ZNF385B: variants seen among roughly 807,000 people sequenced by gnomAD.
ZNF385B encodes the protein zinc finger protein 385B, also known as zinc finger protein 533.
In ZNF385B, 23 loss-of-function variants were observed where a neutral mutation model predicts 39.2. The observed-to-expected ratio is 0.59, with a 90% CI of 0.42 to 0.83. The LOEUF is 0.83. Among genes scored for constraint, ZNF385B ranks in the 40% least tolerant of loss-of-function variants. ZNF385B has a pLI of 0.00. For synonymous variants in ZNF385B, 205 were observed against 222.6 expected (o/e 0.92, Z 0.70); for missense variants, 552 against 598.9 (o/e 0.92, Z 0.82).
chr2:179,576,881 T>G (rs1397077738), intron 3 of ZNF385B, among the ~76,000 whole-genome samples: 3 of 152,144 alleles, frequency 2.0e-5, no homozygotes, highest in Non-Finnish European at 4.4e-5. Flanking sequence ...ATTGATCATC[T>G]TGTTCCAGGA....
intron 3 of ZNF385B, among the ~76,000 whole-genome samples, chr2:179,577,386 C>T (rs533201982): frequency 2.2e-4 from 34 of 152,184 alleles, no homozygotes; most frequent in African/African-American, 4.1e-4. Context: ...ATAAATCTCA[C>T]ACTGAAACAT....
chr2:179,732,757 C>T (rs1410226130), intron 3 of ZNF385B, among the ~76,000 whole-genome samples: 2 of 152,112 alleles, frequency 1.3e-5, no homozygotes, highest in Non-Finnish European at 2.9e-5. Flanking sequence ...GGTAAGATCA[C>T]CCAGTGTTAT....
Position 179,589,825 on chromosome 2 carries a change from C to T in ZNF385B, c.299-44856G>A, listed in dbSNP as rs1053267763. On this transcript the variant is annotated intron_variant, in intron 3 of 9. Transcript: ENST00000410066. The stretch of plus-strand genomic sequence containing the variant: ...TATGGAAAGCTATGTATTGGGCCAA[C>T]TTGAAAAGAGGATGTTATTGTGATG... 3.9e-5 allele frequency among the ~76,000 whole-genome samples: 6 copies of T among 152,182 alleles called. No homozygotes were observed. In the East Asian group the frequency reaches 1.2e-3, roughly 29 times the overall value.
intron 3 of ZNF385B, among the ~76,000 whole-genome samples, chr2:179,577,882 T>C (rs1686021976): frequency 6.6e-6 from 1 of 152,064 alleles, no homozygotes; most frequent in Non-Finnish European, 1.5e-5. Context: ...TATATTTAAC[T>C]CTCATAATGT....
chr2:179,753,991 G>A (rs1413541908), intron 3 of ZNF385B, among the ~76,000 whole-genome samples: 1 of 152,130 alleles, frequency 6.6e-6, no homozygotes, highest in Non-Finnish European at 1.5e-5. Flanking sequence ...TGGTGAGAGA[G>A]GGCATCCCTG....
chr2:179,505,676 C>T (rs1293141313), intron 5 of ZNF385B, among the ~76,000 whole-genome samples: 5 of 152,222 alleles, frequency 3.3e-5, no homozygotes, highest in East Asian at 1.9e-4. Context: ...GTTAGCACTA[C>T]GTACCTCCTG....
intron 6 of ZNF385B, among the ~76,000 whole-genome samples, chr2:179,460,336 G>A (rs2051189595): frequency 6.6e-6 from 1 of 152,236 alleles, no homozygotes; most frequent in South Asian, 2.1e-4. Context: ...TGTAGGCCAA[G>A]CTAACCATGG....
intron 6 of ZNF385B, among the ~76,000 whole-genome samples, chr2:179,447,718 G>A (rs1051747280): frequency 6.6e-6 from 1 of 152,098 alleles, no homozygotes; most frequent in Non-Finnish European, 1.5e-5. Flanking sequence ...AGAGAGAAAG[G>A]GAATTAAATC....
intron 5 of ZNF385B, among the ~76,000 whole-genome samples, chr2:179,517,507 C>G (rs2058174692): frequency 1.3e-5 from 2 of 149,922 alleles, no homozygotes; most frequent in East Asian, 3.9e-4. Flanking sequence ...TGATAAACAT[C>G]TCTTTTCCAA....
chr2:179,657,450 T>C (rs1160878268), intron 3 of ZNF385B, among the ~76,000 whole-genome samples: 2 of 152,194 alleles, frequency 1.3e-5, no homozygotes, highest in Non-Finnish European at 2.9e-5. Flanking sequence ...AAGGCAGAAA[T>C]GAATTCACAA....
intron 4 of ZNF385B, among the ~76,000 whole-genome samples, chr2:179,542,003 CA>C (rs1476981590): frequency 6.6e-6 from 1 of 152,084 alleles, no homozygotes; most frequent in Non-Finnish European, 1.5e-5. Context: ...GACTGCCTGC[CA>C]AAGTGTTTCA....
At chr2:179,517,889 A>T (rs1454642228) in intron 5 of ZNF385B, among the ~76,000 whole-genome samples, 1 of 152,186 alleles carries the variant, frequency 6.6e-6, no homozygotes, top group Non-Finnish European at 1.5e-5. Context: ...GACAGATAAA[A>T]TAGTTTATGA....
intron 5 of ZNF385B, among the ~76,000 whole-genome samples, chr2:179,509,223 T>G (rs2057478632): frequency 6.6e-6 from 1 of 152,216 alleles, no homozygotes; most frequent in Non-Finnish European, 1.5e-5. Context: ...ACATTTAACC[T>G]AGTCTTTTCT....
At chr2:179,463,815 G>A (rs1231249219) in intron 6 of ZNF385B, among the ~76,000 whole-genome samples, 3 of 152,080 alleles carry the variant, frequency 2.0e-5, no homozygotes, top group African/African-American at 4.8e-5. Context: ...ATAAACATAC[G>A]TGTGCACGTG....
chr2:179,588,486 C>T (rs957847112), intron 3 of ZNF385B, among the ~76,000 whole-genome samples: 1 of 152,120 alleles, frequency 6.6e-6, no homozygotes, highest in African/African-American at 2.4e-5. Flanking sequence ...AGTTAAGACT[C>T]AGTCCTGCCA....
chr2:179,765,028 T>G (rs1165942180), intron 3 of ZNF385B, among the ~76,000 whole-genome samples: 1 of 152,008 alleles, frequency 6.6e-6, no homozygotes, highest in East Asian at 1.9e-4. Flanking sequence ...GGACTTATGC[T>G]GGAATAACAC....
intron 3 of ZNF385B, among the ~76,000 whole-genome samples, chr2:179,743,609 C>T (rs1166704527): frequency 1.3e-5 from 2 of 152,022 alleles, no homozygotes; most frequent in Non-Finnish European, 2.9e-5. Context: ...AAAGAATCAG[C>T]ACAAAAATAA....
chr2:179,859,106 C>A (rs1023959615), intron 1 of ZNF385B, among the ~76,000 whole-genome samples: 3 of 152,076 alleles, frequency 2.0e-5, no homozygotes, highest in Admixed American at 1.3e-4. Context: ...CTGAGAGCAC[C>A]TGATATGCTT....
intron 3 of ZNF385B, among the ~76,000 whole-genome samples, chr2:179,644,504 T>C (rs1214984991): frequency 6.6e-6 from 1 of 152,210 alleles, no homozygotes; most frequent in Admixed American, 6.5e-5. Context: ...AGCTGCCCTT[T>C]GTTATATATT....
Sources: gnomAD v4.1 joint callset for allele counts (sites outside exome capture counted in the v4.1 genomes callset) on GRCh38, gnomAD v4.1.1 for gene constraint, MANE v1.5 for transcripts, NCBI Gene and HGNC (gene_info 2026-07-23, HGNC 2026-07-21) for gene names.